OSBPL8: variants seen among roughly 807,000 people sequenced by gnomAD.
OSBPL8 encodes the protein oxysterol binding protein like 8, also known as oxysterol-binding protein-related protein 8.
A neutral mutation model predicts 125.5 loss-of-function variants in OSBPL8; 59 were observed. The observed-to-expected ratio is 0.47, with a 90% CI of 0.38 to 0.58. OSBPL8 has a LOEUF of 0.58. Ranked by LOEUF, OSBPL8 falls within the 20% of genes least tolerant of loss-of-function variation. The probability of loss-of-function intolerance (pLI) is 0.00; values close to 1 mark genes in which losing one functional copy is unlikely to be tolerated. For synonymous variants in OSBPL8, 330 were observed against 338.9 expected (o/e 0.97, Z 0.29); for missense variants, 758 against 1,047.8 (o/e 0.72, Z 3.82).
chr12:76,433,601 TG>T (rs1871106108), intron 4 of OSBPL8, among the ~76,000 whole-genome samples: 1 of 152,108 alleles, frequency 6.6e-6, no homozygotes, highest in African/African-American at 2.4e-5. Context: ...GAATTAATAT[TG>T]TTAAAATGTC....
chr12:76,399,183 A>G (rs1008860554), intron 7 of OSBPL8, among the ~76,000 whole-genome samples: 7 of 152,180 alleles, frequency 4.6e-5, no homozygotes, highest in Non-Finnish European at 1.0e-4. Context: ...AGATTTCATA[A>G]GGATTATGAG....
intron 2 of OSBPL8, among the ~76,000 whole-genome samples, chr12:76,481,588 C>T (rs542204422): frequency 6.6e-5 from 10 of 152,126 alleles, no homozygotes; most frequent in Middle Eastern, 3.4e-3. Context: ...TAGGATCACA[C>T]GACTACAGTC....
At chr12:76,501,467 C>A (rs1396116399) in intron 1 of OSBPL8, among the ~76,000 whole-genome samples, 7 of 152,108 alleles carry the variant, frequency 4.6e-5, no homozygotes, top group African/African-American at 1.7e-4. Context: ...ACTATCTGGG[C>A]CTTTATAGTG....
rs759122771 is a variant in OSBPL8, at chr12:76,386,698, G to A, written c.1353-38C>T. The A allele has an allele frequency of 1.5e-5, 22 of 1,426,074 alleles. No individual in the cohort carries two copies. In the Admixed American group the frequency reaches 4.1e-4, roughly 27 times the overall value. The allele number at this position is 1,426,074 out of a possible 1,614,324, so 88.3% of individuals were successfully genotyped here. ...ACGGTAAACAAAAATTTTAAAAAAT[G>A]TATCACAAATTCTCTCTCACATTTA... On this transcript the variant is annotated intron_variant, in intron 12 of 23. Transcript: ENST00000261183.
intron 22 of OSBPL8, among the ~76,000 whole-genome samples, chr12:76,358,450 G>C (rs980652238): frequency 2.0e-5 from 3 of 152,014 alleles, no homozygotes; most frequent in African/African-American, 7.2e-5. Context: ...CCAAAGTACT[G>C]GGATTACAGG....
At chr12:76,378,344 CA>C in intron 16 of OSBPL8, 107 bp downstream of exon 16, 1 of 759,674 alleles carries the variant, frequency 1.3e-6, no homozygotes. Context: ...TGCTTTCAAA[CA>C]AAATGTAAGT....
chr12:76,386,540 A>G (rs1157643619), intron 13 of OSBPL8, 39 bp downstream of exon 13: 5 of 1,501,850 alleles, frequency 3.3e-6, no homozygotes, highest in East Asian at 4.6e-5. Flanking sequence ...AGAATTCATA[A>G]AACACTAAAG....
At chr12:76,375,741 T>TAAA (rs75181715) in intron 16 of OSBPL8, among the ~76,000 whole-genome samples, 2 of 146,704 alleles carry the variant, frequency 1.4e-5, no homozygotes, top group African/African-American at 5.0e-5. Flanking sequence ...CACATTGTTT[T>TAAA]AAAAAAAAAA....
At chr12:76,552,877 T>C (rs1238606398) in intron 1 of OSBPL8, among the ~76,000 whole-genome samples, 2 of 152,192 alleles carry the variant, frequency 1.3e-5, no homozygotes, top group African/African-American at 2.4e-5. Context: ...TTACTACCAA[T>C]GGATATTTGT....
At chr12:76,530,260 G>A (rs1396578775) in intron 1 of OSBPL8, among the ~76,000 whole-genome samples, 4 of 106,202 alleles carry the variant, frequency 3.8e-5, no homozygotes, top group African/African-American at 1.5e-4. Context: ...GTCTCACTAT[G>A]TTGCCAAGGC....
intron 1 of OSBPL8, among the ~76,000 whole-genome samples, chr12:76,495,106 G>A (rs557148986): frequency 2.3e-3 from 355 of 152,268 alleles, no homozygotes; most frequent in Middle Eastern, 3.4e-3. Flanking sequence ...TAAGACATCT[G>A]CAGAGCAGAT....
chr12:76,467,060 T>G (rs1875532527), intron 2 of OSBPL8, among the ~76,000 whole-genome samples: 2 of 152,230 alleles, frequency 1.3e-5, no homozygotes, highest in Non-Finnish European at 1.5e-5. Context: ...CTGGTAGTTT[T>G]TCACACTTTA....
intron 6 of OSBPL8, 90 bp downstream of exon 6, chr12:76,402,599 C>G: frequency 2.2e-6 from 2 of 904,094 alleles, no homozygotes; most frequent in Admixed American, 2.6e-5. Flanking sequence ...TCTTTAGGAA[C>G]ACACATATAT....
intron 1 of OSBPL8, among the ~76,000 whole-genome samples, chr12:76,510,881 C>CA (rs71445235): frequency 0.1 from 11,070 of 106,240 alleles, 512 homozygotes; most frequent in Middle Eastern, 0.22. Context: ...AACCCCATCT[C>CA]AAAAAAAAAA....
At chr12:76,398,332 TTCCC>T in intron 7 of OSBPL8, among the ~76,000 whole-genome samples, 1 of 152,212 alleles carries the variant, frequency 6.6e-6, no homozygotes, top group East Asian at 1.9e-4. Flanking sequence ...ACACTAGGCA[TTCCC>T]TAAGTATTTG....
intron 1 of OSBPL8, among the ~76,000 whole-genome samples, chr12:76,530,221 T>C (rs1026319987): frequency 1.4e-4 from 5 of 36,974 alleles, no homozygotes; most frequent in South Asian, 6.0e-4. Context: ...CGGGCCTGGC[T>C]TTTTTTTTTT....
chr12:76,549,480 G>C (rs186370888), intron 1 of OSBPL8, among the ~76,000 whole-genome samples: 1 of 152,112 alleles, frequency 6.6e-6, no homozygotes, highest in East Asian at 1.9e-4. Context: ...GTTTGATCTC[G>C]GCTCACTGCA....
chr12:76,356,785 A>C, intron 22 of OSBPL8, 57 bp from the exon 23 acceptor site: 1 of 1,204,344 alleles, frequency 8.3e-7, no homozygotes, highest in Non-Finnish European at 1.2e-6. Flanking sequence ...AGTTCAATTT[A>C]ATGTGTCTCA....
At chr12:76,387,693 G>T (rs1592579886) in intron 12 of OSBPL8, among the ~76,000 whole-genome samples, 1 of 152,180 alleles carries the variant, frequency 6.6e-6, no homozygotes, top group East Asian at 1.9e-4. Flanking sequence ...GATTTTTTAA[G>T]ATGAGATGTG....
Sources: gnomAD v4.1 joint callset for allele counts (sites outside exome capture counted in the v4.1 genomes callset) on GRCh38, gnomAD v4.1.1 for gene constraint, MANE v1.5 for transcripts, NCBI Gene and HGNC (gene_info 2026-07-23, HGNC 2026-07-21) for gene names.